The following PTPRB variants were observed in gnomAD, a reference collection of about 807,000 sequenced individuals.
PTPRB encodes the protein protein tyrosine phosphatase receptor type B.
In PTPRB, 97 loss-of-function variants were observed where a neutral mutation model predicts 238.1. That is an observed-to-expected ratio of 0.41 (90% CI 0.35 to 0.48). The LOEUF (loss-of-function observed/expected upper bound fraction) is 0.48, where lower values mean the gene tolerates loss of function less well. Ranked by LOEUF, PTPRB falls within the 20% of genes least tolerant of loss-of-function variation. The probability of loss-of-function intolerance (pLI) is 0.30; values close to 1 mark genes in which losing one functional copy is unlikely to be tolerated. For synonymous variants in PTPRB, 970 were observed against 995.4 expected, an observed-to-expected ratio of 0.97 and a Z score of 0.48; for missense variants, 2,292 against 2,681.9, an observed-to-expected ratio of 0.85 and a Z score of 3.21.
chr12:70,554,736 CAG>C (rs1555225217), intron 20 of PTPRB, among the ~76,000 whole-genome samples: 1 of 151,996 alleles, frequency 6.6e-6, no homozygotes, highest in African/African-American at 2.4e-5. Flanking sequence ...GCATTTGAGA[CAG>C]GGAGGGGTGA....
chr12:70,559,478 A>G lies in PTPRB; in HGVS notation c.4579T>C (p.Tyr1527His). 2 of 1,614,004 alleles carry G rather than the reference A, an allele frequency of 1.2e-6. No homozygotes were observed. The highest frequency in any genetic ancestry group is 2.2e-5 in the East Asian group (1 of 44,882). ...PRDALTVFNP[Y>H]NNRKSEGRIV... is the part of the protein sequence containing the mutation. ...CGTCCTTCTGATTTTCTGTTGTTGT[A>G]GGGGTTGAAGACAGTAAGTGCATCT... The change falls in exon 18 of 34, where the codon TAC becomes CAC. Residue 1527 changes from tyrosine (Y) to histidine (H), a missense_variant. Tyr to His is a moderately conservative substitution (Grantham distance 83). Transcript: ENST00000334414.
chr12:70,625,150 CAG>C (rs1885116669), intron 2 of PTPRB, among the ~76,000 whole-genome samples: 1 of 152,136 alleles, frequency 6.6e-6, no homozygotes, highest in African/African-American at 2.4e-5. Flanking sequence ...TATTCAGGTC[CAG>C]TACCCTTTCA....
chr12:70,580,997 A>T (rs995233625), intron 10 of PTPRB, 39 bp downstream of exon 10: 1 of 1,594,780 alleles, frequency 6.3e-7, no homozygotes, highest in Non-Finnish European at 8.6e-7. Context: ...ATGTACTCAG[A>T]TCTTAGTTAA....
chr12:70,534,711 C>T (rs1873823759), intron 30 of PTPRB, 60 bp from the exon 31 acceptor site: 1 of 1,600,396 alleles, frequency 6.2e-7, no homozygotes, highest in Non-Finnish European at 8.5e-7. Context: ...TCAAACTTGA[C>T]AGCTGAGCCA....
At chr12:70,582,755 G>T (rs1019992199) in intron 9 of PTPRB, among the ~76,000 whole-genome samples, 3 of 152,006 alleles carry the variant, frequency 2.0e-5, no homozygotes, top group African/African-American at 7.2e-5. Flanking sequence ...AATATTTTTA[G>T]ATATGACACC....
chr12:70,574,207 T>C (rs1025193027), intron 11 of PTPRB, among the ~76,000 whole-genome samples: 38 of 152,212 alleles, frequency 2.5e-4, no homozygotes, highest in Admixed American at 2.3e-3. Context: ...ACCTCTACTT[T>C]TTCTCAAATC....
chr12:70,609,435 C>T, intron 3 of PTPRB, 96 bp from the exon 4 acceptor site: 1 of 1,459,972 alleles, frequency 6.8e-7, no homozygotes, highest in Non-Finnish European at 9.3e-7. Context: ...TTCTCCTCTA[C>T]TTATCCTTTG....
rs1363946203 is a variant in PTPRB, at chr12:70,532,019, A to T, written c.6504+16T>A. On this transcript the variant is annotated intron_variant, in intron 32 of 33. Transcript: ENST00000334414. ...GGGAGGAGGGTGGCCTGTAACTTTC[A>T]GTCTATAACTCTTACCTCAGTCTGG... is the stretch of plus-strand genomic sequence containing the variant. The T allele has an allele frequency of 6.2e-7, 1 of 1,613,694 alleles. No homozygotes were observed. The highest frequency in any genetic ancestry group is 8.5e-7 in the Non-Finnish European group (1 of 1,179,840).
At chr12:70,594,758 A>G in intron 5 of PTPRB, 34 bp from the exon 6 acceptor site, 2 of 1,609,104 alleles carry the variant, frequency 1.2e-6, no homozygotes, top group Non-Finnish European at 1.7e-6. Flanking sequence ...AAATGTCATT[A>G]ATAATTCCCT....
Position 70,521,383 on chromosome 12 carries a change from A to G in PTPRB, c.*106T>C, listed in dbSNP as rs1231652593. On this transcript the variant is annotated 3_prime_UTR_variant, in exon 34 of 34. Transcript: ENST00000334414. ...CATTCTCCAGATTAATAAATTATAC[A>G]TAGTATCAACAGAAATAGCTGGCAC... 45 of 700,316 alleles carry G rather than the reference A, an allele frequency of 6.4e-5. No homozygotes were observed. The highest frequency in any genetic ancestry group is 1.0e-4 in the Non-Finnish European group (45 of 450,036). The allele number at this position is 700,316 out of a possible 1,614,324, so 43.4% of individuals were successfully genotyped here.
chr12:70,622,336 A>G (rs967803044), intron 3 of PTPRB, 54 bp downstream of exon 3: 2 of 1,582,718 alleles, frequency 1.3e-6, no homozygotes, highest in Non-Finnish European at 1.7e-6. Flanking sequence ...CTTTTCAAGC[A>G]ATGAGCCTCC....
At chr12:70,521,924 A>G (rs994252830) in intron 33 of PTPRB, among the ~76,000 whole-genome samples, 7 of 152,206 alleles carry the variant, frequency 4.6e-5, no homozygotes, top group African/African-American at 1.7e-4. Context: ...AAGTCAAAAC[A>G]AGACAAAGGA....
chr12:70,630,325 T>C (rs546771396), intron 2 of PTPRB, among the ~76,000 whole-genome samples: 8 of 152,182 alleles, frequency 5.3e-5, no homozygotes, highest in Admixed American at 1.3e-4. Context: ...AACCACATGA[T>C]TATCTCAATA....
chr12:70,609,208 G>A lies in PTPRB; in HGVS notation c.840C>T (p.Thr280=). 6.2e-7 allele frequency: 1 copy of A among 1,614,014 alleles called. No individual in the cohort carries two copies. Among genetic ancestry groups the A allele is most frequent in the Non-Finnish European group, 8.5e-7 (1 of 1,179,898 alleles). ...AGGTAGGGCACAACGCGGCCCCCAG[G>A]GTGTCACTGCTATAGATGAGGCTAA... The part of the protein sequence containing the change: ...CNFSLIYSSD[T]LGAALCPTFR... The change falls in exon 4 of 34, where the codon ACC becomes ACT. Residue 280 remains threonine (T), a synonymous_variant. Transcript: ENST00000334414.
At chr12:70,616,960 A>G (rs1400655916) in intron 3 of PTPRB, among the ~76,000 whole-genome samples, 2 of 152,246 alleles carry the variant, frequency 1.3e-5, no homozygotes, top group African/African-American at 4.8e-5. Flanking sequence ...CAAAACCTGC[A>G]TATACAAAAG....
intron 9 of PTPRB, among the ~76,000 whole-genome samples, 164 bp from the exon 10 acceptor site, chr12:70,581,466 C>T (rs1363058108): frequency 1.3e-5 from 2 of 152,184 alleles, no homozygotes; most frequent in Non-Finnish European, 2.9e-5. Context: ...TGGAGAACTA[C>T]TCCTCTAGAG....
Position 70,607,633 on chromosome 12 carries a change from G to A in PTPRB, c.979+1436C>T, listed in dbSNP as rs189220429. Among the ~76,000 whole-genome samples the A allele has an allele frequency of 2.0e-5, 3 of 151,390 alleles. No homozygotes were observed. The East Asian group carries it at 5.8e-4, about 29-fold the overall frequency. On this transcript the variant is annotated intron_variant, in intron 4 of 33. Transcript: ENST00000334414. Reference sequence around the variant, plus strand: ...ACAATCTGGCTTCTCTGCCTCCTGGGCTCAAGCAATTCTCTGCCTCAGCCT... The same window carrying A: ...ACAATCTGGCTTCTCTGCCTCCTGGACTCAAGCAATTCTCTGCCTCAGCCT...
intron 2 of PTPRB, among the ~76,000 whole-genome samples, chr12:70,624,515 G>A (rs987135048): frequency 1.3e-5 from 2 of 152,094 alleles, no homozygotes; most frequent in South Asian, 4.1e-4. Context: ...TACTATTAGC[G>A]AGATTCCTTT....
intron 3 of PTPRB, among the ~76,000 whole-genome samples, chr12:70,612,505 A>T (rs975684612): frequency 1.3e-5 from 2 of 152,112 alleles, no homozygotes; most frequent in African/African-American, 2.4e-5. Flanking sequence ...CTACATAAGG[A>T]CACTATTTGA....
Sources: allele counts gnomAD v4.1 joint callset (sites outside exome capture counted in the v4.1 genomes callset), GRCh38; gene constraint gnomAD v4.1.1; transcripts MANE v1.5; gene names NCBI Gene and HGNC (gene_info 2026-07-23, HGNC 2026-07-21).